Variants in HAUS6 observed in about 807,000 individuals in gnomAD.
HAUS6 encodes HAUS augmin-like complex subunit 6.
HAUS6 carries 80 observed loss-of-function variants against 106.8 expected under a neutral mutation model. The observed-to-expected ratio is 0.75, with a 90% CI of 0.63 to 0.90. HAUS6 has a LOEUF of 0.90. Ranked by LOEUF, HAUS6 falls within the 40% of genes least tolerant of loss-of-function variation. The probability of loss-of-function intolerance (pLI) is 0.00; values close to 1 mark genes in which losing one functional copy is unlikely to be tolerated. For missense variants in HAUS6, 1,155 were observed against 1,118.1 expected (o/e 1.03, Z -0.47); for synonymous variants, 356 against 379.1 (o/e 0.94, Z 0.71).
At chr9:19,100,276 G>A (rs1350510971) in intron 1 of HAUS6, among the ~76,000 whole-genome samples, 1 of 152,248 alleles carries the variant, frequency 6.6e-6, no homozygotes, top group Non-Finnish European at 1.5e-5. Context: ...GTGGAAGGAA[G>A]GATCGCTTGA....
At chr9:19,082,702 C>T (rs1285442493) in intron 8 of HAUS6, among the ~76,000 whole-genome samples, 171 bp downstream of exon 8, 2 of 151,720 alleles carry the variant, frequency 1.3e-5, no homozygotes, top group South Asian at 2.1e-4. Context: ...GCTGAAACCA[C>T]GCCACGCCAT....
In HAUS6 at chr9:19,102,324, C is replaced by G. The variant is rs569488740; in HGVS notation, c.128+200G>C. Among the ~76,000 whole-genome samples, 27 of 152,296 alleles carry G rather than the reference C, an allele frequency of 1.8e-4. No individual in the cohort carries two copies. In the South Asian group the frequency reaches 5.4e-3, roughly 30 times the overall value. On this transcript the variant is annotated intron_variant, in intron 1 of 16. Transcript: ENST00000380502. The stretch of plus-strand genomic sequence containing the variant: ...TTTGCACTCCCCTACAGAGCGCTTC[C>G]GGCACTCTTGCATTATTTACTGTCT...
At chr9:19,070,485 G>A (rs1836862142) in intron 11 of HAUS6, among the ~76,000 whole-genome samples, 185 bp from the exon 12 acceptor site, 1 of 152,062 alleles carries the variant, frequency 6.6e-6, no homozygotes, top group African/African-American at 2.4e-5. Context: ...AAGTAATAGA[G>A]AACATCTAGC....
chr9:19,081,081 A>G (rs1588615567), intron 8 of HAUS6, among the ~76,000 whole-genome samples: 2 of 148,088 alleles, frequency 1.4e-5, no homozygotes, highest in East Asian at 3.9e-4. Flanking sequence ...TCAAACAAAC[A>G]AACAAAAAAA....
intron 14 of HAUS6, 25 bp downstream of exon 14, chr9:19,062,983 T>C: frequency 1.3e-6 from 2 of 1,526,788 alleles, no homozygotes; most frequent in South Asian, 2.3e-5. Context: ...GATATTTAAG[T>C]ATACTCATTA....
chr9:19,061,656 G>A (rs1836623025), intron 14 of HAUS6, among the ~76,000 whole-genome samples: 1 of 152,118 alleles, frequency 6.6e-6, no homozygotes, highest in Admixed American at 6.5e-5. Context: ...GCAAAAGAGT[G>A]AGTTCCCAAC....
At chr9:19,078,618 T>C (rs1837064782) in intron 9 of HAUS6, among the ~76,000 whole-genome samples, 2 of 151,092 alleles carry the variant, frequency 1.3e-5, no homozygotes, top group South Asian at 4.2e-4. Context: ...TGAAACCTCA[T>C]CTCTATGAAA....
chr9:19,073,907 C>T (rs952402161), intron 11 of HAUS6: 12 of 152,054 alleles, frequency 7.9e-5, no homozygotes, highest in Admixed American at 5.2e-4. Flanking sequence ...GGCCCCTGAG[C>T]ATGCATAACA....
intron 2 of HAUS6, among the ~76,000 whole-genome samples, chr9:19,094,927 T>C (rs1365189923): frequency 1.3e-5 from 2 of 151,980 alleles, no homozygotes; most frequent in Non-Finnish European, 2.9e-5. Context: ...ATAACTAAAA[T>C]GTATTAAATG....
intron 14 of HAUS6, 142 bp downstream of exon 14, chr9:19,062,866 A>C: frequency 1.5e-6 from 1 of 684,432 alleles, no homozygotes; most frequent in Non-Finnish European, 2.5e-6. Context: ...GGGTTTCGCC[A>C]TGTTGCCCAT....
chr9:19,070,323 T>G (rs1836859843), intron 11 of HAUS6, 23 bp from the exon 12 acceptor site: 1 of 1,206,028 alleles, frequency 8.3e-7, no homozygotes, highest in East Asian at 2.3e-5. Context: ...AAAAATTGGT[T>G]ACTCTTTAAT....
rs554191825 is a variant in HAUS6, at chr9:19,080,410, T to C, written c.1064+69A>G. 4.0e-5 allele frequency: 38 copies of C among 948,446 alleles called. No individual in the cohort carries two copies. In the South Asian group the frequency reaches 4.6e-4, roughly 12 times the overall value. 58.8% of individuals were successfully genotyped at this position (948,446 alleles called of 1,614,324 possible). On this transcript the variant is annotated intron_variant, in intron 9 of 16. Coordinates refer to ENST00000380502, the MANE Select transcript of HAUS6 (RefSeq NM_017645.5). ...TGCCAAAGCTGAAGAGCTATTAAACTTATACAAGTTTTGTTGAGAAAACCA... is the reference window on the plus strand; with the variant it reads ...TGCCAAAGCTGAAGAGCTATTAAACCTATACAAGTTTTGTTGAGAAAACCA...
chr9:19,099,432 C>G lies in HAUS6; in HGVS notation c.129-2663G>C, dbSNP rs868820770. Among the ~76,000 whole-genome samples, 7 of 151,990 alleles carry G rather than the reference C, an allele frequency of 4.6e-5. No homozygotes were observed. The South Asian group carries it at 1.2e-3, about 27-fold the overall frequency. On this transcript the variant is annotated intron_variant, in intron 1 of 16. Transcript: ENST00000380502. ...CCGCCCATCTCGGCCTCCCAAAGTG[C>G]TGGAATTACAGGCGTGAGCCACCGC...
chr9:19,063,637 T>G (rs757313629), intron 12 of HAUS6, 57 bp from the exon 13 acceptor site: 3 of 1,107,858 alleles, frequency 2.7e-6, no homozygotes, highest in African/African-American at 3.1e-5. Flanking sequence ...TTCCATTCCC[T>G]TTACGAGTCT....
chr9:19,085,126 C>G (rs1837259121), intron 7 of HAUS6, among the ~76,000 whole-genome samples: 1 of 152,042 alleles, frequency 6.6e-6, no homozygotes, highest in Non-Finnish European at 1.5e-5. Context: ...AAGTTGTTCC[C>G]AAAGGAAGAC....
Position 19,070,285 on chromosome 9 carries a change from T to G in HAUS6, c.1310A>C (p.His437Pro), listed in dbSNP as rs140525329. 6.3e-7 allele frequency: 1 copy of G among 1,582,738 alleles called. No homozygotes were observed. The highest frequency in any genetic ancestry group is 8.7e-7 in the Non-Finnish European group (1 of 1,151,744). ...TCCTCTGCAACCATTTTCTTGGTTA[T>G]GTTGCTTATGTGCATCTAAAGAAAT... ...PASLPDAHKQ[H>P]NQENGCRGDS... is the part of the protein sequence containing the mutation. Residue 437 changes from histidine to proline, a missense_variant, in exon 12 of 17, where the codon CAT (histidine) becomes CCT (proline). By Grantham distance (77) the His-to-Pro change is moderately conservative (BLOSUM62 -2). This residue lies in a region of HAUS6 where 761 missense variants were observed against 690.0 expected (regional missense o/e 1.10). Transcript: ENST00000380502.
In HAUS6 at chr9:19,102,524, A is replaced by G. The variant is rs771924795; in HGVS notation, c.128T>C (p.Val43Ala). The G allele has an allele frequency of 9.9e-6, 16 of 1,612,062 alleles. No individual in the cohort carries two copies. The highest frequency in any genetic ancestry group is 1.4e-5 in the Non-Finnish European group (16 of 1,179,392). ...GKIVSHTHLG[V>A]NMFDKLNRDA... ...GCCCCGCCGGCCCCGGCCTCCTTAC[A>G]CTCCGAGGTGCGTGTGCGACACGAT... Residue 43 changes from valine to alanine, a missense_variant and splice_region_variant, in exon 1 of 17, where the codon GTG becomes GCG. This residue lies in a region of HAUS6 where 761 missense variants were observed against 690.0 expected (regional missense o/e 1.10). Coordinates refer to ENST00000380502, the MANE Select transcript of HAUS6 (RefSeq NM_017645.5).
At chr9:19,096,149 T>C (rs1588628756) in intron 2 of HAUS6, among the ~76,000 whole-genome samples, 1 of 152,140 alleles carries the variant, frequency 6.6e-6, no homozygotes, top group Non-Finnish European at 1.5e-5. Context: ...TACACAATGA[T>C]TTTAAGATAT....
chr9:19,086,645 A>G, intron 7 of HAUS6, 89 bp downstream of exon 7: 1 of 620,706 alleles, frequency 1.6e-6, no homozygotes, highest in Non-Finnish European at 2.9e-6. Flanking sequence ...AAAGTGGTAA[A>G]TAGACTATAA....
Sources: gnomAD v4.1 joint callset for allele counts (sites outside exome capture counted in the v4.1 genomes callset) on GRCh38, gnomAD v4.1.1 for gene constraint, gnomAD v4.1.1 regional missense constraint, MANE v1.5 for transcripts, NCBI Gene and HGNC (gene_info 2026-07-23, HGNC 2026-07-21) for gene names.